Variants in TOM1L2 observed in about 807,000 individuals in gnomAD.
The protein encoded by TOM1L2 is TOM1-like protein 2.
Under a neutral mutation model 67.9 loss-of-function variants are expected in TOM1L2, and 31 were observed. The ratio of observed to expected loss-of-function variants is 0.46; its 90% CI spans 0.34 to 0.62. The LOEUF is 0.62. TOM1L2 is among the 20% of genes least tolerant of loss of function. The pLI, the probability that TOM1L2 is intolerant of heterozygous loss-of-function variation, is 0.01. For synonymous variants in TOM1L2, 256 were observed against 254.0 expected (o/e 1.01, Z -0.07); for missense variants, 606 against 663.5 (o/e 0.91, Z 0.95).
At position 17,922,627 on chromosome 17, in the gene TOM1L2, C is replaced by T. The variant is rs907759431; in HGVS notation, c.53-15096G>A. Reference sequence around the variant, plus strand: ...TGACCTAGGACACATTTCTCACGCTCTCTGAATTTCATCCATAAAACGGGC... The same window carrying T: ...TGACCTAGGACACATTTCTCACGCTTTCTGAATTTCATCCATAAAACGGGC... On this transcript the variant is annotated intron_variant, in intron 1 of 14. Transcript: ENST00000379504. Among the ~76,000 whole-genome samples the T allele has an allele frequency of 4.6e-5, 7 of 152,302 alleles. No homozygotes were observed. The East Asian group carries it at 1.3e-3, about 29-fold the overall frequency.
chr17:17,959,399 A>T (rs189867274), intron 1 of TOM1L2, among the ~76,000 whole-genome samples: 7 of 152,358 alleles, frequency 4.6e-5, no homozygotes, highest in Admixed American at 1.3e-4. Context: ...CAGAAATGTC[A>T]TACATCACAG....
intron 1 of TOM1L2, among the ~76,000 whole-genome samples, chr17:17,910,639 G>A (rs905042885): frequency 5.9e-5 from 9 of 151,594 alleles, no homozygotes; most frequent in Middle Eastern, 3.2e-3. Flanking sequence ...GTGTGATCTC[G>A]GCTCACTGCA....
chr17:17,918,872 T>C (rs757003275), intron 1 of TOM1L2, among the ~76,000 whole-genome samples: 4 of 152,200 alleles, frequency 2.6e-5, no homozygotes, highest in Non-Finnish European at 5.9e-5. Context: ...AGGCAGGACA[T>C]CTTCATGTCA....
At chr17:17,854,882 G>A (rs1476631860) in intron 12 of TOM1L2, among the ~76,000 whole-genome samples, 1 of 152,142 alleles carries the variant, frequency 6.6e-6, no homozygotes, top group Non-Finnish European at 1.5e-5. Flanking sequence ...CCAAGCTGAA[G>A]GCTGGTCTGA....
chr17:17,961,545 A>G (rs2041678084), intron 1 of TOM1L2, among the ~76,000 whole-genome samples: 1 of 151,884 alleles, frequency 6.6e-6, no homozygotes, highest in Non-Finnish European at 1.5e-5. Flanking sequence ...ACTGTACTCT[A>G]GCCTGGGTGA....
chr17:17,882,639 T>C, intron 6 of TOM1L2, 66 bp downstream of exon 6: 1 of 1,586,666 alleles, frequency 6.3e-7, no homozygotes, highest in Non-Finnish European at 8.6e-7. Context: ...CCTTTGTAAG[T>C]GTCTCCCAGA....
At chr17:17,907,371 AC>A in intron 2 of TOM1L2, 75 bp downstream of exon 2, 1 of 1,355,744 alleles carries the variant, frequency 7.4e-7, no homozygotes, top group Non-Finnish European at 1.0e-6. Flanking sequence ...AAAACCTGCC[AC>A]CCTTAGGCCC....
chr17:17,907,340 A>T, intron 2 of TOM1L2, 107 bp downstream of exon 2: 3 of 949,676 alleles, frequency 3.2e-6, no homozygotes, highest in South Asian at 3.3e-5. Flanking sequence ...AACCAAACAT[A>T]CTAGGAACAA....
chr17:17,869,755 T>A (rs986125035), intron 7 of TOM1L2: 10 of 1,043,192 alleles, frequency 9.6e-6, no homozygotes, highest in Non-Finnish European at 1.2e-5. Flanking sequence ...TATTAAAATG[T>A]GATTCTTTCC....
At chr17:17,972,065 C>G (rs929016656) in intron 1 of TOM1L2, among the ~76,000 whole-genome samples, 197 bp downstream of exon 1, 24 of 151,872 alleles carry the variant, frequency 1.6e-4, no homozygotes, top group African/African-American at 5.8e-4. Flanking sequence ...ATGCCCAGCC[C>G]GCCCGTGAGG....
chr17:17,935,606 A>G (rs928339937), intron 1 of TOM1L2, among the ~76,000 whole-genome samples: 8 of 152,048 alleles, frequency 5.3e-5, no homozygotes, highest in African/African-American at 1.7e-4. Context: ...GGAAGCCCCA[A>G]TCCTGGTCCC....
rs772799062 is a variant in TOM1L2 at position 17,882,850 on chromosome 17, A to C, written c.515T>G (p.Val172Gly). 4 of 1,613,996 alleles carry C rather than the reference A, an allele frequency of 2.5e-6. No individual in the cohort carries two copies. In the Admixed American group the frequency reaches 6.7e-5, roughly 27 times the overall value. ...IHTPQRSVPEVDPAATMPRSQ... is the reference protein window; with the variant it reads ...IHTPQRSVPEGDPAATMPRSQ... ...CCTGGGCATGGTCGCAGCTGGATCC[A>C]CTTCAGGGACACTCTGGCATGGCAA... The change falls in exon 6 of 15, where the codon GTG (valine) becomes GGG (glycine). Residue 172 changes from valine to glycine, a missense_variant. Coordinates refer to ENST00000379504, the MANE Select transcript of TOM1L2 (RefSeq NM_001082968.2).
At chr17:17,941,451 A>C (rs1013182350) in intron 1 of TOM1L2, among the ~76,000 whole-genome samples, 2 of 152,162 alleles carry the variant, frequency 1.3e-5, no homozygotes, top group African/African-American at 4.8e-5. Context: ...CAGGAAAACA[A>C]AACATATGTG....
chr17:17,885,450 A>G (rs939398368), intron 4 of TOM1L2, among the ~76,000 whole-genome samples: 8 of 152,300 alleles, frequency 5.3e-5, no homozygotes, highest in African/African-American at 1.9e-4. Flanking sequence ...CTTTTCCCAG[A>G]CCCAAGCTTC....
At chr17:17,916,647 A>G (rs534424076) in intron 1 of TOM1L2, among the ~76,000 whole-genome samples, 71 of 152,254 alleles carry the variant, frequency 4.7e-4, no homozygotes, top group African/African-American at 1.5e-3. Context: ...CCTTATTCCA[A>G]TACCATGATG....
chr17:17,933,793 T>C (rs1467072006), intron 1 of TOM1L2, among the ~76,000 whole-genome samples: 1 of 152,248 alleles, frequency 6.6e-6, no homozygotes, highest in East Asian at 1.9e-4. Context: ...CTAAATGGCC[T>C]TGCTCAGCAT....
At chr17:17,969,615 A>G (rs2041993853) in intron 1 of TOM1L2, among the ~76,000 whole-genome samples, 1 of 152,172 alleles carries the variant, frequency 6.6e-6, no homozygotes, top group African/African-American at 2.4e-5. Flanking sequence ...CATCATCTTT[A>G]GTCAAGCATC....
chr17:17,961,317 G>T (rs2041667131), intron 1 of TOM1L2, among the ~76,000 whole-genome samples: 1 of 152,148 alleles, frequency 6.6e-6, no homozygotes, highest in South Asian at 2.1e-4. Flanking sequence ...CAACACTTTG[G>T]GAGGCCAAGA....
chr17:17,863,738 A>G (rs2036690694), intron 10 of TOM1L2, among the ~76,000 whole-genome samples: 1 of 151,918 alleles, frequency 6.6e-6, no homozygotes, highest in African/African-American at 2.4e-5. Flanking sequence ...TTGTAGAGAC[A>G]AGGTCTCGTT....
Sources: allele counts gnomAD v4.1 joint callset (sites outside exome capture counted in the v4.1 genomes callset), GRCh38; gene constraint gnomAD v4.1.1; transcripts MANE v1.5; gene names NCBI Gene and HGNC (gene_info 2026-07-23, HGNC 2026-07-21).